Variants in SKIC3 observed in about 807,000 individuals in gnomAD.
SKIC3 encodes superkiller complex protein 3.
chr5:95,527,726 TA>T, the SKIC3 span, among the ~76,000 whole-genome samples: 1 of 152,296 alleles, frequency 6.6e-6, no homozygotes, highest in East Asian at 1.9e-4. Context: ...AAATTAATAA[TA>T]ATCAAGTAGT....
the SKIC3 span, among the ~76,000 whole-genome samples, chr5:95,492,652 GAAAAAAAAA>G: frequency 6.1e-5 from 3 of 48,834 alleles, no homozygotes; most frequent in Non-Finnish European, 9.4e-5. Context: ...AAAAAAAAAA[GAAAAAAAAA>G]AAAAAAAAAA....
At chr5:95,490,647 G>A in the SKIC3 span, among the ~76,000 whole-genome samples, 4 of 151,588 alleles carry the variant, frequency 2.6e-5, no homozygotes, top group Admixed American at 1.3e-4. Context: ...ATAGGTGCCC[G>A]CCACCACGCT....
chr5:95,514,854 C>T, the SKIC3 span: 3 of 1,611,746 alleles, frequency 1.9e-6, no homozygotes, highest in Non-Finnish European at 2.5e-6. Context: ...ATATTTCTTA[C>T]TTGTCCAATC....
chr5:95,490,566 C>T, the SKIC3 span, among the ~76,000 whole-genome samples: 6 of 149,998 alleles, frequency 4.0e-5, no homozygotes, highest in Non-Finnish European at 8.9e-5. Flanking sequence ...GGCGCAATCT[C>T]GGCTCATTGC....
the SKIC3 span, chr5:95,530,151 C>A: frequency 6.2e-7 from 1 of 1,613,650 alleles, no homozygotes; most frequent in South Asian, 1.1e-5. Flanking sequence ...AATGCCTAAG[C>A]CAATGAGGCC....
At chr5:95,478,072 C>G in the SKIC3 span, among the ~76,000 whole-genome samples, 81 of 152,072 alleles carry the variant, frequency 5.3e-4, no homozygotes, top group Non-Finnish European at 9.1e-4. Flanking sequence ...AAACTGTAAT[C>G]TTTTTTCCCC....
chr5:95,536,780 ACCT>A, the SKIC3 span: 1 of 1,510,088 alleles, frequency 6.6e-7, no homozygotes, highest in East Asian at 2.3e-5. Flanking sequence ...ATAATCACAC[ACCT>A]CTAGGACACA....
chr5:95,506,854 T>G, the SKIC3 span: 1 of 1,359,322 alleles, frequency 7.4e-7, no homozygotes, highest in Non-Finnish European at 1.1e-6. Flanking sequence ...TAGGAACTAG[T>G]CAGCATATCA....
chr5:95,471,064 T>C, the SKIC3 span, among the ~76,000 whole-genome samples: 1 of 152,138 alleles, frequency 6.6e-6, no homozygotes, highest in Non-Finnish European at 1.5e-5. Context: ...GAGTGCAGTA[T>C]AGGCAATAGC....
At chr5:95,468,140 T>C in the SKIC3 span, 2 of 982,100 alleles carry the variant, frequency 2.0e-6, no homozygotes, top group East Asian at 5.2e-5. Context: ...ATAAAGGTAA[T>C]AATGGTTAAT....
chr5:95,530,755 T>C, the SKIC3 span, among the ~76,000 whole-genome samples: 1 of 152,206 alleles, frequency 6.6e-6, no homozygotes, highest in African/African-American at 2.4e-5. Context: ...CACATTTTTC[T>C]AAAACTATCT....
At chr5:95,478,857 G>C in the SKIC3 span, among the ~76,000 whole-genome samples, 4 of 152,104 alleles carry the variant, frequency 2.6e-5, no homozygotes, top group South Asian at 6.2e-4. Context: ...ATTCAAAGTA[G>C]AATCTTCTTA....
At chr5:95,541,835 C>G in the SKIC3 span, 1 of 1,612,358 alleles carries the variant, frequency 6.2e-7, no homozygotes, top group Non-Finnish European at 8.5e-7. Context: ...GATCCAGGAG[C>G]TTTTGGTAAA....
chr5:95,525,745 C>T, the SKIC3 span: 67 of 1,401,332 alleles, frequency 4.8e-5, no homozygotes, highest in Non-Finnish European at 4.4e-5. Context: ...CTTTAATTAA[C>T]GAACGAACAC....
chr5:95,497,433 C>A, the SKIC3 span: 1 of 1,613,328 alleles, frequency 6.2e-7, no homozygotes, highest in Non-Finnish European at 8.5e-7. Context: ...TTTCGTTGAG[C>A]ATACTGTGCA....
At chr5:95,551,215 T>C in the SKIC3 span, among the ~76,000 whole-genome samples, 13 of 152,050 alleles carry the variant, frequency 8.5e-5, no homozygotes, top group African/African-American at 2.7e-4. Context: ...CAACTACACA[T>C]CTACAAATTC....
chr5:95,503,327 A>G, the SKIC3 span, among the ~76,000 whole-genome samples: 1 of 152,174 alleles, frequency 6.6e-6, no homozygotes, highest in Non-Finnish European at 1.5e-5. Flanking sequence ...GATATCACCA[A>G]AACTCCCACG....
chr5:95,519,223 G>GA, the SKIC3 span, among the ~76,000 whole-genome samples: 2 of 151,958 alleles, frequency 1.3e-5, no homozygotes, highest in Admixed American at 1.3e-4. Context: ...TTTAGAATGA[G>GA]AAAAACTTCA....
chr5:95,470,230 G>A, the SKIC3 span, among the ~76,000 whole-genome samples: 4 of 152,010 alleles, frequency 2.6e-5, no homozygotes, highest in South Asian at 4.2e-4. Flanking sequence ...CGCCCACCTC[G>A]GCCTCCCAAA....
Sources: allele counts gnomAD v4.1 joint callset (sites outside exome capture counted in the v4.1 genomes callset), GRCh38; gene constraint gnomAD v4.1.1; transcripts MANE v1.5; gene names NCBI Gene and HGNC (gene_info 2026-07-23, HGNC 2026-07-21).